Variants in ATG14 observed in about 807,000 individuals in gnomAD.
The protein encoded by ATG14 is autophagy related 14.
A neutral mutation model predicts 60.4 loss-of-function variants in ATG14; 35 were observed. The ratio of observed to expected loss-of-function variants is 0.58; its 90% CI spans 0.44 to 0.77. The LOEUF is 0.77. ATG14 is among the 30% of genes least tolerant of loss of function. The probability of loss-of-function intolerance (pLI) is 0.00; values close to 1 mark genes in which losing one functional copy is unlikely to be tolerated. For synonymous variants in ATG14, 234 were observed against 228.8 expected (o/e 1.02, Z -0.21); for missense variants, 647 against 626.3 (o/e 1.03, Z -0.35).
chr14:55,385,126 G>A (rs1885101480), intron 5 of ATG14, among the ~76,000 whole-genome samples: 1 of 152,180 alleles, frequency 6.6e-6, no homozygotes, highest in Non-Finnish European at 1.5e-5. Flanking sequence ...GAGACCCCAA[G>A]CTCTAGATGT....
intron 1 of ATG14, among the ~76,000 whole-genome samples, chr14:55,402,359 A>G (rs569856500): frequency 1.4e-4 from 21 of 152,260 alleles, no homozygotes; most frequent in African/African-American, 4.8e-4. Context: ...TAGATTTCAA[A>G]TAAGCAATTG....
At chr14:55,405,288 G>A (rs1217072038) in intron 1 of ATG14, among the ~76,000 whole-genome samples, 1 of 152,188 alleles carries the variant, frequency 6.6e-6, no homozygotes. Flanking sequence ...TTGGATGTTG[G>A]TTGTGCCTTC....
chr14:55,372,086 G>A (rs569921910), intron 9 of ATG14, among the ~76,000 whole-genome samples: 1 of 151,870 alleles, frequency 6.6e-6, no homozygotes, highest in East Asian at 1.9e-4. Context: ...CTCTCCTAGC[G>A]CCACTCCCAA....
chr14:55,407,947 G>A (rs182708814), intron 1 of ATG14, among the ~76,000 whole-genome samples: 8 of 152,228 alleles, frequency 5.3e-5, no homozygotes, highest in Admixed American at 3.3e-4. Flanking sequence ...AGCCCCATTG[G>A]TGGAAGTTTC....
chr14:55,386,060 T>C lies in ATG14; in HGVS notation c.446A>G (p.Gln149Arg). Reference protein sequence around the residue: ...EGLLKTKEKNQKLYSRAQRHQ... With the variant: ...EGLLKTKEKNRKLYSRAQRHQ... The stretch of plus-strand genomic sequence containing the variant: ...CCGTTGTGCTCGACTGTAAAGCTTC[T>C]GATTCTTTTCCTTGGTTTTGAGAAG... The change falls in exon 5 of 10, where the codon CAG becomes CGG. Residue 149 changes from glutamine to arginine, a missense_variant. Coordinates refer to ENST00000247178, the MANE Select transcript of ATG14 (RefSeq NM_014924.5). The C allele has an allele frequency of 6.2e-7, 1 of 1,612,202 alleles. No individual in the cohort carries two copies. Among genetic ancestry groups the C allele is most frequent in the Non-Finnish European group, 8.5e-7 (1 of 1,179,612 alleles).
chr14:55,380,877 T>TATA (rs60511037), intron 6 of ATG14, among the ~76,000 whole-genome samples, 187 bp from the exon 7 acceptor site: 91 of 43,640 alleles, frequency 2.1e-3, no homozygotes, highest in Middle Eastern at 0.01. Context: ...ATATATATAT[T>TATA]TTTTTTTTTT....
chr14:55,378,222 AC>A, intron 7 of ATG14, 148 bp from the exon 8 acceptor site: 1 of 641,446 alleles, frequency 1.6e-6, no homozygotes, highest in Non-Finnish European at 2.7e-6. Flanking sequence ...CTAAGAATAC[AC>A]CATTCCCCTC....
intron 1 of ATG14, among the ~76,000 whole-genome samples, chr14:55,406,666 T>C (rs1885496857): frequency 2.0e-5 from 3 of 152,280 alleles, no homozygotes; most frequent in Admixed American, 1.3e-4. Flanking sequence ...GGTCTCGAGA[T>C]TCTTTCACCT....
At chr14:55,370,847 G>A (rs1013065234) in intron 9 of ATG14, among the ~76,000 whole-genome samples, 1 of 152,054 alleles carries the variant, frequency 6.6e-6, no homozygotes, top group East Asian at 1.9e-4. Context: ...CACCACGTTG[G>A]CCAGGCTGGT....
intron 7 of ATG14, among the ~76,000 whole-genome samples, chr14:55,379,716 AT>A: frequency 6.6e-6 from 1 of 152,050 alleles, no homozygotes. Context: ...ATATCTTTAA[AT>A]TTTCTGAATT....
At chr14:55,404,814 G>A (rs61975446) in intron 1 of ATG14, among the ~76,000 whole-genome samples, 24,293 of 152,080 alleles carry the variant, frequency 0.16, 2,469 homozygotes, top group Middle Eastern at 0.26. Flanking sequence ...TAAAAATATA[G>A]TTCAGATCTA....
At position 55,369,466 on chromosome 14, in the gene ATG14, A is replaced by ATGTT. The variant is rs1163557706; in HGVS notation, c.*149_*152dup. ...ATCACAGGCCACTTGGCAAATAGAA[A>ATGTT]TGTTTGTCTCCCTGCTTAAAAAGAC... On this transcript the variant is annotated 3_prime_UTR_variant, in exon 10 of 10. Transcript: ENST00000247178. The ATGTT allele has an allele frequency of 1.1e-5, 8 of 705,104 alleles. No homozygotes were observed. Among genetic ancestry groups the ATGTT allele is most frequent in the Non-Finnish European group, 1.5e-5 (7 of 468,814 alleles). The allele number at this position is 705,104 out of a possible 1,614,324, so 43.7% of individuals were successfully genotyped here.
intron 1 of ATG14, among the ~76,000 whole-genome samples, chr14:55,403,083 T>A (rs1040287618): frequency 6.7e-6 from 1 of 149,616 alleles, no homozygotes; most frequent in Non-Finnish European, 1.5e-5. Flanking sequence ...TCCTACACTA[T>A]ACTTTGGCCT....
intron 4 of ATG14, among the ~76,000 whole-genome samples, chr14:55,387,763 G>A (rs995175301): frequency 6.6e-5 from 10 of 151,852 alleles, no homozygotes; most frequent in Admixed American, 3.3e-4. Flanking sequence ...CCGCCTCCCG[G>A]GTTCAATTGA....
rs1185595472 is a variant in ATG14 at position 55,369,905 on chromosome 14, C to CTTG, written c.1192_1193insCAA (p.Val397_Arg398insPro). ...TTCCATGGACTCCTCAAGGTCTGCT[C>CTTG]GTACTTCAAAGGGCCCTGACCTGTG... is the stretch of plus-strand genomic sequence containing the variant. On this transcript the variant is annotated inframe_insertion, in exon 10 of 10. Coordinates refer to ENST00000247178, the MANE Select transcript of ATG14 (RefSeq NM_014924.5). 3 of 1,611,560 alleles carry CTTG rather than the reference C, an allele frequency of 1.9e-6. No individual in the cohort carries two copies. The African/African-American group carries it at 4.0e-5, about 22-fold the overall frequency.
intron 9 of ATG14, 74 bp downstream of exon 9, chr14:55,377,744 CT>C (rs1366145569): frequency 1.8e-6 from 2 of 1,121,142 alleles, no homozygotes; most frequent in African/African-American, 3.1e-5. Context: ...GAACACGACT[CT>C]ACTATGCCAA....
chr14:55,405,977 G>A (rs1214754580), intron 1 of ATG14, among the ~76,000 whole-genome samples: 1 of 152,170 alleles, frequency 6.6e-6, no homozygotes, highest in East Asian at 1.9e-4. Context: ...AGGAAAGGAT[G>A]ATGTGGGTGA....
chr14:55,377,178 C>T (rs189619742), intron 9 of ATG14, among the ~76,000 whole-genome samples: 1 of 152,244 alleles, frequency 6.6e-6, no homozygotes, highest in East Asian at 1.9e-4. Flanking sequence ...GAAACCCTGT[C>T]TCTACTAAAA....
At chr14:55,408,629 G>A (rs1885525219) in intron 1 of ATG14, among the ~76,000 whole-genome samples, 1 of 152,148 alleles carries the variant, frequency 6.6e-6, no homozygotes, top group Non-Finnish European at 1.5e-5. Context: ...AAATTAGCCA[G>A]GTGTGGTGGA....
Sources: gnomAD v4.1 joint callset for allele counts (sites outside exome capture counted in the v4.1 genomes callset) on GRCh38, gnomAD v4.1.1 for gene constraint, MANE v1.5 for transcripts, NCBI Gene and HGNC (gene_info 2026-07-23, HGNC 2026-07-21) for gene names.